SPATS2: variants seen among roughly 807,000 people sequenced by gnomAD.
SPATS2 encodes the protein spermatogenesis-associated serine-rich protein 2.
In SPATS2, 38 loss-of-function variants were observed where a neutral mutation model predicts 63.7. That is an observed-to-expected ratio of 0.60 (90% CI 0.46 to 0.78). The LOEUF is 0.78. SPATS2 is among the 30% of genes least tolerant of loss of function. The pLI, the probability that SPATS2 is intolerant of heterozygous loss-of-function variation, is 0.00. For synonymous variants in SPATS2, 207 were observed against 232.9 expected, an observed-to-expected ratio of 0.89 and a Z score of 1.01; for missense variants, 588 against 666.2, an observed-to-expected ratio of 0.88 and a Z score of 1.29.
chr12:49,490,411 C>T, intron 5 of SPATS2: 1 of 401,838 alleles, frequency 2.5e-6, no homozygotes, highest in Non-Finnish European at 4.5e-6. Context: ...ATAAGAGAAT[C>T]TTCAAAATGG....
At chr12:49,440,869 A>G (rs991994241) in intron 2 of SPATS2, among the ~76,000 whole-genome samples, 2 of 152,182 alleles carry the variant, frequency 1.3e-5, no homozygotes, top group Admixed American at 1.3e-4. Context: ...TGGCAGGAAT[A>G]CTATTGTAAA....
At chr12:49,436,764 CGGCTGGCCGGGCAGAGG>C (rs1368588026) in intron 2 of SPATS2, among the ~76,000 whole-genome samples, 1 of 143,436 alleles carries the variant, frequency 7.0e-6, no homozygotes, top group Non-Finnish European at 1.5e-5. Context: ...CCGGACAGGG[CGGCTGGCCGGGCAGAGG>C]GGCTCCTCAC....
intron 11 of SPATS2, among the ~76,000 whole-genome samples, chr12:49,522,472 T>A (rs1342414032): frequency 1.3e-5 from 2 of 152,222 alleles, no homozygotes; most frequent in Non-Finnish European, 2.9e-5. Context: ...CTACTATAAA[T>A]TCTTCCTCCT....
In SPATS2 at chr12:49,457,278, C is replaced by G. The variant is rs374646903; in HGVS notation, c.-243-3492C>G. On this transcript the variant is annotated intron_variant, in intron 2 of 13. Transcript: ENST00000552918. ...ATAGTAGGTTTGATAGCTGCTATGT[C>G]ATTTTTATTTATCTTCTTCATGTTA... Among the ~76,000 whole-genome samples, 72 of 152,142 alleles carry G rather than the reference C, an allele frequency of 4.7e-4. No homozygotes were observed. In the South Asian group the frequency reaches 0.012, roughly 26 times the overall value.
intron 9 of SPATS2, among the ~76,000 whole-genome samples, chr12:49,503,909 T>C (rs559792608): frequency 6.6e-6 from 1 of 152,306 alleles, no homozygotes; most frequent in South Asian, 2.1e-4. Context: ...AACTGTGTAT[T>C]TAGGATTGAT....
chr12:49,497,629 C>T (rs899959602), intron 8 of SPATS2, among the ~76,000 whole-genome samples: 2 of 151,988 alleles, frequency 1.3e-5, no homozygotes, highest in African/African-American at 2.4e-5. Context: ...CTCCTGACCT[C>T]GTGATCCGCC....
intron 2 of SPATS2, among the ~76,000 whole-genome samples, chr12:49,445,530 C>T (rs1427202730): frequency 6.6e-6 from 1 of 151,616 alleles, no homozygotes; most frequent in Non-Finnish European, 1.5e-5. Context: ...TATCTTTTCT[C>T]TTTTTGAGAC....
At chr12:49,502,626 T>C (rs2137961983) in intron 9 of SPATS2, among the ~76,000 whole-genome samples, 1 of 152,264 alleles carries the variant, frequency 6.6e-6, no homozygotes, top group East Asian at 1.9e-4. Flanking sequence ...CTGGCTAATT[T>C]TTTAATTTTT....
intron 2 of SPATS2, chr12:49,442,786 T>TAAAAAAAAAAAAAAAAAAAA: frequency 3.7e-5 from 1 of 27,154 alleles, no homozygotes; most frequent in Admixed American, 4.6e-4. Context: ...CATGTCTCCT[T>TAAAAAAAAAAAAAAAAAAAA]AAAAAAAAAA....
chr12:49,516,392 T>C (rs1256339766), intron 10 of SPATS2, among the ~76,000 whole-genome samples: 1 of 149,846 alleles, frequency 6.7e-6, no homozygotes, highest in African/African-American at 2.5e-5. Context: ...CTTTTAAGAA[T>C]ATTAATACAT....
intron 2 of SPATS2, among the ~76,000 whole-genome samples, chr12:49,400,015 G>A (rs931342595): frequency 5.3e-5 from 8 of 152,152 alleles, no homozygotes; most frequent in Non-Finnish European, 1.2e-4. Flanking sequence ...CAGCCTGGGC[G>A]ACAGAGCGAG....
intron 3 of SPATS2, among the ~76,000 whole-genome samples, chr12:49,473,779 C>T (rs912939748): frequency 5.9e-5 from 9 of 152,068 alleles, no homozygotes; most frequent in Non-Finnish European, 1.2e-4. Context: ...TGATGTTGAG[C>T]AAAAATCCAA....
At chr12:49,378,008 T>A (rs1251891796) in intron 2 of SPATS2, among the ~76,000 whole-genome samples, 1 of 152,196 alleles carries the variant, frequency 6.6e-6, no homozygotes, top group Non-Finnish European at 1.5e-5. Flanking sequence ...ATCTTGCTCT[T>A]GACACCCAGG....
At chr12:49,402,749 G>A (rs753021020) in intron 2 of SPATS2, among the ~76,000 whole-genome samples, 1 of 152,128 alleles carries the variant, frequency 6.6e-6, no homozygotes, top group Non-Finnish European at 1.5e-5. Context: ...TGGTGGTATG[G>A]TTTGACAGGA....
chr12:49,505,303 GA>G (rs1424042346), intron 9 of SPATS2, among the ~76,000 whole-genome samples: 1 of 152,068 alleles, frequency 6.6e-6, no homozygotes, highest in Non-Finnish European at 1.5e-5. Flanking sequence ...TTTGGTTTTT[GA>G]AGCTTAGTTT....
intron 2 of SPATS2, among the ~76,000 whole-genome samples, chr12:49,374,154 AG>A (rs1194499242): frequency 6.6e-6 from 1 of 151,944 alleles, no homozygotes; most frequent in Non-Finnish European, 1.5e-5. Flanking sequence ...TTTTGGAAAC[AG>A]GGTTTTGCTC....
intron 2 of SPATS2, among the ~76,000 whole-genome samples, chr12:49,435,679 G>A (rs1181272817): frequency 7.3e-6 from 1 of 137,212 alleles, no homozygotes; most frequent in South Asian, 2.3e-4. Flanking sequence ...GATCATTCTT[G>A]GGTGTTTCTC....
At chr12:49,385,427 G>T (rs796869632) in intron 2 of SPATS2, among the ~76,000 whole-genome samples, 1 of 150,518 alleles carries the variant, frequency 6.6e-6, no homozygotes, top group African/African-American at 2.5e-5. Flanking sequence ...AGATTCAGAT[G>T]TAGTGAGGGA....
At chr12:49,375,310 T>C (rs1459747760) in intron 2 of SPATS2, among the ~76,000 whole-genome samples, 1 of 152,136 alleles carries the variant, frequency 6.6e-6, no homozygotes. Context: ...AAATATCTTT[T>C]GTACTTGAAG....
Sources: allele counts gnomAD v4.1 joint callset (sites outside exome capture counted in the v4.1 genomes callset), GRCh38; gene constraint gnomAD v4.1.1; transcripts MANE v1.5; gene names NCBI Gene and HGNC (gene_info 2026-07-23, HGNC 2026-07-21).